The following HSD17B11 variants were observed in gnomAD, a reference collection of about 807,000 sequenced individuals.
The protein encoded by HSD17B11 is estradiol 17-beta-dehydrogenase 11.
A neutral mutation model predicts 27.8 loss-of-function variants in HSD17B11; 22 were observed. That is an observed-to-expected ratio of 0.79 (90% CI 0.56 to 1.13). The LOEUF is 1.13. HSD17B11 is among the 50% of genes most tolerant of loss of function. The probability of loss-of-function intolerance (pLI) is 0.00; values close to 1 mark genes in which losing one functional copy is unlikely to be tolerated. For missense variants in HSD17B11, 314 were observed against 351.1 expected (o/e 0.89, Z 0.84); for synonymous variants, 117 against 132.8 (o/e 0.88, Z 0.82).
At chr4:87,388,239 G>T in intron 1 of HSD17B11, among the ~76,000 whole-genome samples, 1 of 150,008 alleles carries the variant, frequency 6.7e-6, no homozygotes, top group African/African-American at 2.5e-5. Context: ...ATTTCAACAT[G>T]TATACTATAT....
intron 4 of HSD17B11, among the ~76,000 whole-genome samples, chr4:87,360,455 G>A (rs1480434559): frequency 6.6e-6 from 1 of 152,124 alleles, no homozygotes; most frequent in Non-Finnish European, 1.5e-5. Flanking sequence ...GCAAATAGTT[G>A]GGAATAATGT....
In HSD17B11 at chr4:87,356,651, CAAAT is replaced by C. The variant is rs573260618; in HGVS notation, c.695+624_695+627del. Among the ~76,000 whole-genome samples the C allele has an allele frequency of 2.5e-3, 385 of 152,192 alleles. 1 individual carries two copies. Among genetic ancestry groups the C allele is most frequent in the African/African-American group, 8.4e-3 (350 of 41,538 alleles). On this transcript the variant is annotated intron_variant, in intron 5 of 6. Transcript: ENST00000358290. ...TTTTTCATTAACATTGGAATTTAAA[CAAAT>C]AAGTATGCATCATGTTTACAAAGAC... is the stretch of plus-strand genomic sequence containing the variant.
At chr4:87,372,970 C>T (rs1472884676) in intron 3 of HSD17B11, among the ~76,000 whole-genome samples, 155 bp from the exon 4 acceptor site, 1 of 152,154 alleles carries the variant, frequency 6.6e-6, no homozygotes, top group East Asian at 1.9e-4. Context: ...AATAAGGTGA[C>T]TGGATATGAT....
At chr4:87,342,044 G>C (rs1735179331) in intron 5 of HSD17B11, among the ~76,000 whole-genome samples, 1 of 152,018 alleles carries the variant, frequency 6.6e-6, no homozygotes, top group South Asian at 2.1e-4. Flanking sequence ...TATTTGGGTG[G>C]CTAACATTTT....
Position 87,374,778 on chromosome 4 carries a change from A to G in HSD17B11, c.371T>C (p.Val124Ala), listed in dbSNP as rs1446495746. 2 of 1,593,848 alleles carry G rather than the reference A, an allele frequency of 1.3e-6. No individual in the cohort carries two copies. Among genetic ancestry groups the G allele is most frequent in the African/African-American group, 1.3e-5 (1 of 74,232 alleles). The change falls in exon 3 of 7, where the codon GTC becomes GCC. Residue 124 changes from valine to alanine, a missense_variant. Physicochemically the swap from Val to Ala is moderately conservative, Grantham distance 64. Transcript: ENST00000358290. Reference protein sequence around the residue: ...VSILVNNAGVVYTSDLFATQD... With the variant: ...VSILVNNAGVAYTSDLFATQD... ...TGTAGCAAACAAATCTGATGTATAG[A>G]CTACACCAGCATTATTTACTAAAAT...
At chr4:87,371,783 T>A (rs1186985659) in intron 4 of HSD17B11, among the ~76,000 whole-genome samples, 1 of 152,144 alleles carries the variant, frequency 6.6e-6, no homozygotes, top group Non-Finnish European at 1.5e-5. Context: ...CCAGTAAGGA[T>A]CACAGACTGT....
At chr4:87,359,625 C>T (rs1366531257) in intron 4 of HSD17B11, among the ~76,000 whole-genome samples, 1 of 152,186 alleles carries the variant, frequency 6.6e-6, no homozygotes, top group Non-Finnish European at 1.5e-5. Flanking sequence ...CAGTCTCTCA[C>T]GGCGCTGGGA....
rs998737811 is a variant in HSD17B11 at position 87,389,522 on chromosome 4, C to T, written c.210+1339G>A. Among the ~76,000 whole-genome samples, 35 of 152,286 alleles carry T rather than the reference C, an allele frequency of 2.3e-4. 1 individual carries two copies. Among genetic ancestry groups the T allele is most frequent in the African/African-American group, 8.2e-4 (34 of 41,550 alleles). On this transcript the variant is annotated intron_variant, in intron 1 of 6. Coordinates refer to ENST00000358290, the MANE Select transcript of HSD17B11 (RefSeq NM_016245.5). Reference sequence around the variant, plus strand: ...TACAAGTGTGAGCCACCGCATCCAGCCTGCACTTGTAATTACTTAATGTCC... The same window carrying T: ...TACAAGTGTGAGCCACCGCATCCAGTCTGCACTTGTAATTACTTAATGTCC...
At chr4:87,378,905 A>T (rs58054310) in intron 2 of HSD17B11, among the ~76,000 whole-genome samples, 963 of 12,288 alleles carry the variant, frequency 0.078, 205 homozygotes, top group African/African-American at 0.15. Context: ...AATATATATA[A>T]ATATATATAT....
At chr4:87,366,611 A>C (rs1163565743) in intron 4 of HSD17B11, among the ~76,000 whole-genome samples, 1 of 152,160 alleles carries the variant, frequency 6.6e-6, no homozygotes, top group African/African-American at 2.4e-5. Context: ...AATAATTATA[A>C]TTGTTATGTA....
At chr4:87,357,455 G>A in intron 4 of HSD17B11, 39 bp from the exon 5 acceptor site, 1 of 1,586,150 alleles carries the variant, frequency 6.3e-7, no homozygotes, top group Non-Finnish European at 8.6e-7. Context: ...CAAGAATTCT[G>A]AAATGTCTGC....
chr4:87,362,535 A>G (rs779085253), intron 4 of HSD17B11, among the ~76,000 whole-genome samples: 1 of 152,112 alleles, frequency 6.6e-6, no homozygotes, highest in African/African-American at 2.4e-5. Flanking sequence ...CAAAAATAAA[A>G]TATAATAAAA....
intron 4 of HSD17B11, among the ~76,000 whole-genome samples, chr4:87,361,941 G>A (rs1236216866): frequency 6.6e-6 from 1 of 152,108 alleles, no homozygotes; most frequent in Non-Finnish European, 1.5e-5. Context: ...GCTACCTTTG[G>A]GTAAGTGTTG....
chr4:87,354,642 CA>C (rs1255125895), intron 5 of HSD17B11, among the ~76,000 whole-genome samples: 1 of 121,362 alleles, frequency 8.2e-6, no homozygotes, highest in African/African-American at 3.4e-5. Flanking sequence ...ATCCTTGTCT[CA>C]AAAAAAATAA....
At chr4:87,342,925 AG>A (rs1351232609) in intron 5 of HSD17B11, among the ~76,000 whole-genome samples, 1 of 152,236 alleles carries the variant, frequency 6.6e-6, no homozygotes, top group Non-Finnish European at 1.5e-5. Context: ...GGTATCAAGG[AG>A]GATGAATCCA....
intron 2 of HSD17B11, among the ~76,000 whole-genome samples, chr4:87,378,907 T>TATATATAA (rs1720030592): frequency 1.2e-4 from 2 of 16,922 alleles, no homozygotes; most frequent in South Asian, 1.3e-3. Flanking sequence ...TATATATAAA[T>TATATATAA]ATATATATAT....
At chr4:87,353,809 A>G (rs1288382437) in intron 5 of HSD17B11, among the ~76,000 whole-genome samples, 1 of 152,224 alleles carries the variant, frequency 6.6e-6, no homozygotes, top group Non-Finnish European at 1.5e-5. Context: ...AGACAGTATG[A>G]CTTTAAAACT....
intron 5 of HSD17B11, chr4:87,345,093 G>C (rs190325398): frequency 1.3e-5 from 2 of 152,162 alleles, no homozygotes; most frequent in African/African-American, 4.8e-5. Flanking sequence ...GTGAGACCCT[G>C]TCTCTACAAA....
intron 4 of HSD17B11, 142 bp downstream of exon 4, chr4:87,372,567 T>C: frequency 1.7e-6 from 1 of 594,822 alleles, no homozygotes; most frequent in Middle Eastern, 2.8e-4. Flanking sequence ...CTCTTTCTGC[T>C]TATTTTTTGA....
Sources: gnomAD v4.1 joint callset for allele counts (sites outside exome capture counted in the v4.1 genomes callset) on GRCh38, gnomAD v4.1.1 for gene constraint, MANE v1.5 for transcripts, NCBI Gene and HGNC (gene_info 2026-07-23, HGNC 2026-07-21) for gene names.